KIF26B: variants seen among roughly 807,000 people sequenced by gnomAD.
KIF26B encodes kinesin family member 26B.
In KIF26B, 63 loss-of-function variants were observed where a neutral mutation model predicts 151.2. The observed-to-expected ratio is 0.42, with a 90% CI of 0.34 to 0.51. The LOEUF (loss-of-function observed/expected upper bound fraction) is 0.51, where lower values mean the gene tolerates loss of function less well. KIF26B is among the 20% of genes least tolerant of loss of function. KIF26B has a pLI of 0.07. For synonymous variants in KIF26B, 1,357 were observed against 1,262.1 expected (o/e 1.08, Z -1.59); for missense variants, 2,813 against 2,913.6 (o/e 0.97, Z 0.79).
intron 2 of KIF26B, among the ~76,000 whole-genome samples, chr1:245,290,175 T>TTGAA (rs66484653): frequency 0.028 from 1,229 of 43,480 alleles, 9 homozygotes; most frequent in Middle Eastern, 0.13. Flanking sequence ...CAAACCTTTA[T>TTGAA]TGAATGAATG....
In KIF26B at chr1:245,430,581, C is replaced by T. The variant is rs140969374; in HGVS notation, c.1166+10836C>T. On this transcript the variant is annotated intron_variant, in intron 4 of 14. Transcript: ENST00000407071. ...ACTTGCGGGGCTGGGGCAGGAGGAT[C>T]GCTTGAGCCCGGGAGGTTGAGGCTG... is the stretch of plus-strand genomic sequence containing the variant. 5.6e-4 allele frequency among the ~76,000 whole-genome samples: 85 copies of T among 152,156 alleles called. 1 individual carries two copies. The highest frequency in any genetic ancestry group is 1.8e-3 in the African/African-American group (75 of 41,502).
At chr1:245,291,881 G>C (rs1671258693) in intron 2 of KIF26B, among the ~76,000 whole-genome samples, 1 of 152,134 alleles carries the variant, frequency 6.6e-6, no homozygotes, top group South Asian at 2.1e-4. Context: ...CCCTGGTGCA[G>C]GAAACTGGGA....
intron 6 of KIF26B, among the ~76,000 whole-genome samples, chr1:245,604,254 A>T (rs1411257568): frequency 6.6e-6 from 1 of 152,214 alleles, no homozygotes; most frequent in East Asian, 1.9e-4. Context: ...GAACCTGACG[A>T]CAACAGTGCG....
chr1:245,509,965 C>T (rs1338012946), intron 4 of KIF26B, among the ~76,000 whole-genome samples: 2 of 152,210 alleles, frequency 1.3e-5, no homozygotes, highest in African/African-American at 4.8e-5. Flanking sequence ...CTCCATGCCA[C>T]GCCCTCCCTT....
intron 2 of KIF26B, among the ~76,000 whole-genome samples, chr1:245,254,678 C>T (rs1670502769): frequency 1.3e-5 from 2 of 152,120 alleles, no homozygotes; most frequent in Admixed American, 6.6e-5. Context: ...ATCTCAGTTA[C>T]GTGCTATGAC....
chr1:245,414,111 G>T (rs1032681605), intron 3 of KIF26B, among the ~76,000 whole-genome samples: 2 of 152,230 alleles, frequency 1.3e-5, no homozygotes, highest in Non-Finnish European at 2.9e-5. Flanking sequence ...TGGAGAAGGG[G>T]CAGGCTTCCT....
intron 4 of KIF26B, among the ~76,000 whole-genome samples, chr1:245,485,832 C>T (rs1473369149): frequency 1.3e-5 from 2 of 152,194 alleles, no homozygotes; most frequent in African/African-American, 2.4e-5. Context: ...CCCTTTCACA[C>T]GAGTGATGCT....
intron 2 of KIF26B, among the ~76,000 whole-genome samples, chr1:245,331,878 G>A (rs897510237): frequency 2.0e-5 from 3 of 152,168 alleles, no homozygotes; most frequent in African/African-American, 7.2e-5. Context: ...TGTAATCCCA[G>A]CACTTTGGGA....
At chr1:245,622,891 G>A (rs1397933263) in intron 9 of KIF26B, among the ~76,000 whole-genome samples, 1 of 152,106 alleles carries the variant, frequency 6.6e-6, no homozygotes, top group Non-Finnish European at 1.5e-5. Flanking sequence ...AGTGGGGCCT[G>A]GGGCAAAAAG....
At chr1:245,696,423 C>T (rs191284152) in intron 12 of KIF26B, among the ~76,000 whole-genome samples, 29 of 152,288 alleles carry the variant, frequency 1.9e-4, no homozygotes, top group African/African-American at 2.4e-4. Flanking sequence ...AGCTTGCCTG[C>T]GACTCCGAGA....
chr1:245,175,654 G>A (rs1163291475), intron 2 of KIF26B, among the ~76,000 whole-genome samples: 5 of 152,200 alleles, frequency 3.3e-5, no homozygotes, highest in Non-Finnish European at 7.4e-5. Flanking sequence ...GTGGCAAAGC[G>A]TAGAAAGTCA....
chr1:245,172,503 A>G (rs1294583809), intron 2 of KIF26B, among the ~76,000 whole-genome samples: 1 of 152,180 alleles, frequency 6.6e-6, no homozygotes, highest in African/African-American at 2.4e-5. Flanking sequence ...ATTGACAGAC[A>G]GGAGGTGTCC....
chr1:245,283,763 C>T (rs1169462079), intron 2 of KIF26B, among the ~76,000 whole-genome samples: 5 of 149,124 alleles, frequency 3.4e-5, no homozygotes, highest in South Asian at 2.1e-4. Flanking sequence ...TCTTGGTTCA[C>T]TGCAACTTCC....
intron 10 of KIF26B, among the ~76,000 whole-genome samples, chr1:245,659,337 C>G (rs577379799): frequency 1.3e-5 from 2 of 152,320 alleles, no homozygotes; most frequent in South Asian, 4.1e-4. Flanking sequence ...TCTTTAGTGA[C>G]AGATATGAGT....
intron 5 of KIF26B, among the ~76,000 whole-genome samples, chr1:245,566,930 TA>T (rs2043015655): frequency 1.4e-5 from 2 of 139,952 alleles, no homozygotes; most frequent in African/African-American, 2.7e-5. Flanking sequence ...CCAACTAAAA[TA>T]AATTAATAAA....
intron 4 of KIF26B, among the ~76,000 whole-genome samples, chr1:245,464,794 A>G (rs1205678146): frequency 6.6e-6 from 1 of 152,080 alleles, no homozygotes; most frequent in African/African-American, 2.4e-5. Flanking sequence ...GTGGAGGGAC[A>G]CTGACATGAA....
At chr1:245,163,297 A>G (rs1558329876) in intron 2 of KIF26B, among the ~76,000 whole-genome samples, 1 of 152,174 alleles carries the variant, frequency 6.6e-6, no homozygotes, top group Non-Finnish European at 1.5e-5. Flanking sequence ...ACGGACCACC[A>G]TGCCCAGCTA....
chr1:245,630,535 GA>G (rs2043770055), intron 9 of KIF26B, among the ~76,000 whole-genome samples: 4 of 152,058 alleles, frequency 2.6e-5, no homozygotes, highest in Non-Finnish European at 5.9e-5. Context: ...TGAACAATGA[GA>G]ACACATGGAC....
At position 245,481,520 on chromosome 1, in the gene KIF26B, T is replaced by C. The variant is rs142860205; in HGVS notation, c.1167-59247T>C. 2.0e-5 allele frequency among the ~76,000 whole-genome samples: 3 copies of C among 152,090 alleles called. No homozygotes were observed. In the East Asian group the frequency reaches 5.8e-4, roughly 29 times the overall value. Reference sequence around the variant, plus strand: ...AAACTCGATGTGTATCCAGCATCACTGAGTGCTCAGGTCTGCAGACTGCAG... The same window carrying C: ...AAACTCGATGTGTATCCAGCATCACCGAGTGCTCAGGTCTGCAGACTGCAG... On this transcript the variant is annotated intron_variant, in intron 4 of 14. Coordinates refer to ENST00000407071, the MANE Select transcript of KIF26B (RefSeq NM_018012.4).
Sources: gnomAD v4.1 joint callset for allele counts (sites outside exome capture counted in the v4.1 genomes callset) on GRCh38, gnomAD v4.1.1 for gene constraint, MANE v1.5 for transcripts, NCBI Gene and HGNC (gene_info 2026-07-23, HGNC 2026-07-21) for gene names.